Variants in CDKAL1 observed in about 807,000 individuals in gnomAD.
The protein encoded by CDKAL1 is threonylcarbamoyladenosine tRNA methylthiotransferase.
In CDKAL1, 32 loss-of-function variants were observed where a neutral mutation model predicts 68.2. That is an observed-to-expected ratio of 0.47 (90% CI 0.35 to 0.63). CDKAL1 has a LOEUF of 0.63. Among genes scored for constraint, CDKAL1 ranks in the 30% least tolerant of loss-of-function variants. The probability of loss-of-function intolerance (pLI) is 0.00; values close to 1 mark genes in which losing one functional copy is unlikely to be tolerated. For missense variants in CDKAL1, 606 were observed against 696.7 expected (o/e 0.87, Z 1.47); for synonymous variants, 234 against 244.3 (o/e 0.96, Z 0.39).
intron 15 of CDKAL1, among the ~76,000 whole-genome samples, chr6:21,205,994 C>A (rs541379359): frequency 6.7e-6 from 1 of 148,244 alleles, no homozygotes; most frequent in Admixed American, 6.8e-5. Context: ...GCCACCGCGC[C>A]CGGCTAATTT....
intron 13 of CDKAL1, among the ~76,000 whole-genome samples, chr6:21,160,655 A>ACC (rs1776880341): frequency 8.0e-6 from 1 of 124,318 alleles, no homozygotes; most frequent in East Asian, 2.5e-4. Context: ...ACACACACAC[A>ACC]CGTGTGTGTG....
At chr6:21,144,385 T>G (rs151048966) in intron 13 of CDKAL1, among the ~76,000 whole-genome samples, 44 of 152,304 alleles carry the variant, frequency 2.9e-4, no homozygotes, top group African/African-American at 9.1e-4. Context: ...AAGCAACTAT[T>G]GAATGCTAAA....
At position 20,897,552 on chromosome 6, in the gene CDKAL1, G is replaced by A. The variant is rs961266589; in HGVS notation, c.742+51374G>A. 7.2e-5 allele frequency among the ~76,000 whole-genome samples: 11 copies of A among 152,234 alleles called. No homozygotes were observed. The East Asian group carries it at 2.1e-3, about 29-fold the overall frequency. On this transcript the variant is annotated intron_variant, in intron 9 of 15. Coordinates refer to ENST00000274695, the MANE Select transcript of CDKAL1 (RefSeq NM_017774.3). ...TATAGAAAAAACAAGCATCAGGGAA[G>A]TCTTCCTAGAAATAGCTCTAATTTT...
chr6:20,755,081 C>G (rs1419073489), intron 6 of CDKAL1, among the ~76,000 whole-genome samples: 1 of 152,116 alleles, frequency 6.6e-6, no homozygotes, highest in Admixed American at 6.5e-5. Context: ...AAACATTTTT[C>G]TTTATGGTTT....
intron 4 of CDKAL1, among the ~76,000 whole-genome samples, chr6:20,597,519 A>G (rs1174625542): frequency 1.3e-5 from 2 of 152,088 alleles, no homozygotes; most frequent in Non-Finnish European, 2.9e-5. Flanking sequence ...GGTTCAAGTG[A>G]TTCTCATGCC....
intron 4 of CDKAL1, among the ~76,000 whole-genome samples, chr6:20,573,168 TATCTGAGATCTGTTTTTTCAG>T (rs1357238244): frequency 6.6e-6 from 1 of 152,178 alleles, no homozygotes; most frequent in Non-Finnish European, 1.5e-5. Context: ...TTTGAAAAAG[TATCTGAGATCTGTTTTTTCAG>T]ATTGGAAATT....
At chr6:21,213,076 G>A (rs9358400) in intron 15 of CDKAL1, among the ~76,000 whole-genome samples, 12,648 of 152,070 alleles carry the variant, frequency 0.083, 664 homozygotes, top group East Asian at 0.17. Context: ...GAAAACATCC[G>A]TTTTGAAGGA....
intron 8 of CDKAL1, among the ~76,000 whole-genome samples, chr6:20,825,676 T>C (rs1379146374): frequency 6.6e-6 from 1 of 152,180 alleles, no homozygotes; most frequent in Non-Finnish European, 1.5e-5. Context: ...AAGCATACCC[T>C]GAATGACAGG....
intron 4 of CDKAL1, among the ~76,000 whole-genome samples, chr6:20,646,048 A>ATTTTTTTTTTTTTTTTTTTTTTTTTTTTT (rs1171622769): frequency 1.1e-5 from 1 of 87,364 alleles, no homozygotes. Context: ...TCACGGTTAA[A>ATTTTTTTTTTTTTTTTTTTTTTTTTTTTT]TTTTTTTTTT....
At chr6:21,117,878 A>T (rs778711890) in intron 13 of CDKAL1, among the ~76,000 whole-genome samples, 2 of 152,142 alleles carry the variant, frequency 1.3e-5, no homozygotes, top group Non-Finnish European at 2.9e-5. Flanking sequence ...TATATAATGC[A>T]CCTGGTCTCC....
chr6:20,902,842 G>T (rs1762067490), intron 9 of CDKAL1, among the ~76,000 whole-genome samples: 1 of 152,138 alleles, frequency 6.6e-6, no homozygotes, highest in Non-Finnish European at 1.5e-5. Context: ...TGGTCTAAAT[G>T]GGTGATGGTT....
At chr6:20,770,040 T>C (rs1362835282) in intron 7 of CDKAL1, among the ~76,000 whole-genome samples, 3 of 152,202 alleles carry the variant, frequency 2.0e-5, no homozygotes, top group Non-Finnish European at 4.4e-5. Context: ...TTCTCTTATA[T>C]ATTTTGTTCC....
chr6:20,918,559 CATG>C (rs1762818231), intron 9 of CDKAL1, among the ~76,000 whole-genome samples: 1 of 152,140 alleles, frequency 6.6e-6, no homozygotes. Context: ...TCACAAAAAG[CATG>C]AAGAAGAATA....
intron 13 of CDKAL1, among the ~76,000 whole-genome samples, chr6:21,188,867 A>G (rs1778126112): frequency 1.3e-5 from 2 of 152,254 alleles, no homozygotes; most frequent in South Asian, 4.2e-4. Flanking sequence ...TGAATGCTCT[A>G]GAATACTCAG....
chr6:20,597,717 A>G lies in CDKAL1; in HGVS notation c.286+49012A>G, dbSNP rs566794512. 2.0e-3 allele frequency among the ~76,000 whole-genome samples: 310 copies of G among 152,310 alleles called. 1 individual carries two copies. Among genetic ancestry groups the G allele is most frequent in the African/African-American group, 6.8e-3 (283 of 41,580 alleles). ...GGCGTGAGCCATCACACACAGCCCC[A>G]TAATTTTATTAATAGTAGTTGTAGT... On this transcript the variant is annotated intron_variant, in intron 4 of 15. Transcript: ENST00000274695.
At chr6:20,585,858 A>T (rs1408909859) in intron 4 of CDKAL1, among the ~76,000 whole-genome samples, 1 of 151,312 alleles carries the variant, frequency 6.6e-6, no homozygotes, top group African/African-American at 2.4e-5. Flanking sequence ...CTCTATGCTG[A>T]TGCTTTTTTT....
rs1384563575 is a variant in CDKAL1, at chr6:21,023,254, C to T, written c.1055+22882C>T. On this transcript the variant is annotated intron_variant, in intron 11 of 15. Coordinates refer to ENST00000274695, the MANE Select transcript of CDKAL1 (RefSeq NM_017774.3). ...GATACTAGCTTAAATTTATTTACTC[C>T]GAGGTGATTTAAAGTCCACATATAG... is the stretch of plus-strand genomic sequence containing the variant. Among the ~76,000 whole-genome samples the T allele has an allele frequency of 4.6e-5, 7 of 151,936 alleles. No homozygotes were observed. The East Asian group carries it at 7.7e-4, about 17-fold the overall frequency.
intron 11 of CDKAL1, among the ~76,000 whole-genome samples, chr6:21,063,892 C>T (rs1224156541): frequency 6.6e-6 from 1 of 152,074 alleles, no homozygotes; most frequent in Non-Finnish European, 1.5e-5. Context: ...CAGAAAACTT[C>T]CTCAACCTAA....
chr6:20,605,813 G>A (rs751526280), intron 4 of CDKAL1, among the ~76,000 whole-genome samples: 14 of 152,174 alleles, frequency 9.2e-5, no homozygotes, highest in Non-Finnish European at 5.9e-5. Context: ...TCTGGGCGCC[G>A]TTACTCCATT....
Sources: gnomAD v4.1 joint callset for allele counts (sites outside exome capture counted in the v4.1 genomes callset) on GRCh38, gnomAD v4.1.1 for gene constraint, MANE v1.5 for transcripts, NCBI Gene and HGNC (gene_info 2026-07-23, HGNC 2026-07-21) for gene names.